Variants in TNNT2 observed in about 807,000 individuals in gnomAD.
The protein encoded by TNNT2 is troponin T, cardiac muscle.
TNNT2 carries 34 observed loss-of-function variants against 62.4 expected under a neutral mutation model. The observed-to-expected ratio is 0.54, with a 90% CI of 0.41 to 0.72. The LOEUF is 0.72. Ranked by LOEUF, TNNT2 falls within the 30% of genes least tolerant of loss-of-function variation. TNNT2 has a pLI of 0.00. For synonymous variants in TNNT2, 123 were observed against 127.2 expected (o/e 0.97, Z 0.22); for missense variants, 275 against 381.9 (o/e 0.72, Z 2.33).
chr1:201,370,150 G>A (rs1392963073), intron 4 of TNNT2, among the ~76,000 whole-genome samples: 2 of 152,262 alleles, frequency 1.3e-5, no homozygotes, highest in African/African-American at 4.8e-5. Flanking sequence ...CACAAGAGGA[G>A]CATGCGATCT....
chr1:201,359,315 C>A (rs373118098), intron 16 of TNNT2, 60 bp from the exon 17 acceptor site: 7 of 1,580,926 alleles, frequency 4.4e-6, no homozygotes, highest in African/African-American at 2.7e-5. Context: ...GGTCACCATG[C>A]GGCTGGGGTA....
Position 201,373,273 on chromosome 1 carries a change from A to G in TNNT2, c.-14-5T>C. ...CAGACATGGTCTCTGCTCTCCCTCC[A>G]AAAGGAGAAAAAAGTCAGTGCAGGT... On this transcript the variant is annotated splice_region_variant and splice_polypyrimidine_tract_variant and intron_variant, in intron 1 of 16. Transcript: ENST00000656932. The G allele has an allele frequency of 1.2e-6, 2 of 1,613,870 alleles. No individual in the cohort carries two copies. Among genetic ancestry groups the G allele is most frequent in the Non-Finnish European group, 1.7e-6 (2 of 1,179,826 alleles).
intron 13 of TNNT2, 123 bp downstream of exon 13, chr1:201,362,263 A>G (rs1658809772): frequency 6.7e-7 from 1 of 1,496,664 alleles, no homozygotes; most frequent in Admixed American, 2.0e-5. Flanking sequence ...ACCTCTCACC[A>G]GCTTCCCCCC....
chr1:201,367,891 G>C, intron 6 of TNNT2, 85 bp from the exon 7 acceptor site: 1 of 1,513,202 alleles, frequency 6.6e-7, no homozygotes. Flanking sequence ...CTTCCCCACA[G>C]ATAAGCCCTA....
chr1:201,363,326 G>A lies in TNNT2; in HGVS notation c.570C>T (p.Asn190=), dbSNP rs764636823. ...DEARKKKALS[N]MMHFGGYIQK... is the part of the protein sequence containing the mutation. ...GGATGTAACCCCCAAAATGCATCAT[G>A]TTGGACAAAGCCTTCTTCTTCCGGG... Residue 190 remains asparagine (N), a synonymous_variant, in exon 12 of 17, where the codon AAC becomes AAT. Transcript: ENST00000656932. 1.2e-6 allele frequency: 2 copies of A among 1,614,178 alleles called. No individual in the cohort carries two copies. Among genetic ancestry groups the A allele is most frequent in the Non-Finnish European group, 1.7e-6 (2 of 1,180,026 alleles).
chr1:201,365,848 T>G, intron 8 of TNNT2, 178 bp from the exon 9 acceptor site: 1 of 1,496,146 alleles, frequency 6.7e-7, no homozygotes, highest in Non-Finnish European at 8.9e-7. Context: ...GCTCAGCACC[T>G]GGGAATACAC....
At chr1:201,364,844 T>C (rs1249363990) in intron 10 of TNNT2, among the ~76,000 whole-genome samples, 1 of 152,104 alleles carries the variant, frequency 6.6e-6, no homozygotes, top group Non-Finnish European at 1.5e-5. Context: ...CTCCCCTTCA[T>C]CTGCGGGGGA....
chr1:201,372,063 G>T lies in TNNT2; in HGVS notation c.53-22C>A, dbSNP rs141800807. 3.2e-4 allele frequency: 521 copies of T among 1,613,898 alleles called. 2 individuals carry two copies. Among genetic ancestry groups the T allele is most frequent in the South Asian group, 2.3e-3 (211 of 91,054 alleles). Reference sequence around the variant, plus strand: ...GCTTCTGCTCAGAAGAGAAGTCCAGGCAGCAAGAGAAGAGAGAAGAGGTGG... The same window carrying T: ...GCTTCTGCTCAGAAGAGAAGTCCAGTCAGCAAGAGAAGAGAGAAGAGGTGG... On this transcript the variant is annotated intron_variant, in intron 3 of 16. Transcript: ENST00000656932.
chr1:201,372,239 C>A (rs1319980077), intron 2 of TNNT2, 84 bp from the exon 3 acceptor site: 1 of 1,591,044 alleles, frequency 6.3e-7, no homozygotes, highest in Non-Finnish European at 8.6e-7. Flanking sequence ...CACACACTGG[C>A]CTTTCCCCAA....
intron 15 of TNNT2, chr1:201,360,362 G>A (rs759891808): frequency 6.5e-6 from 1 of 154,304 alleles, no homozygotes; most frequent in Non-Finnish European, 1.4e-5. Context: ...ATAACAATTA[G>A]TATTATCTCT....
rs377474357 is a variant in TNNT2, at chr1:201,369,816, C to A, written c.97G>T (p.Glu33Ter). ...EEEDWREDED[E>*]QEEAAEEDAE... Reference sequence around the variant, plus strand: ...ACCACAGAAGGAAAGGCTGTACTACCGTCTTCGTCCTCTCTCCAGTCCTCC... The same window carrying A: ...ACCACAGAAGGAAAGGCTGTACTACAGTCTTCGTCCTCTCTCCAGTCCTCC... The change falls in exon 5 of 17, where the codon GAG becomes TAG. Residue 33 changes from glutamate to a stop codon, truncating the protein, a stop_gained and splice_region_variant. Transcript: ENST00000656932. LOFTEE classifies it high-confidence loss of function. 2.0e-5 allele frequency: 33 copies of A among 1,614,064 alleles called. No homozygotes were observed. Among genetic ancestry groups the A allele is most frequent in the Non-Finnish European group, 2.6e-5 (31 of 1,180,038 alleles).
rs1658102717 is a variant in TNNT2 at position 201,359,126 on chromosome 1, C to T, written c.*84G>A. On this transcript the variant is annotated 3_prime_UTR_variant, in exon 17 of 17. Coordinates refer to ENST00000656932, the MANE Select transcript of TNNT2 (RefSeq NM_001276345.2). ...TTCCAAACAGGAGCTGCCTGGGGTG[C>T]CCAGGAGGGCCCGGGAACTGGGGGA... 9 of 1,546,860 alleles carry T rather than the reference C, an allele frequency of 5.8e-6. No homozygotes were observed. The highest frequency in any genetic ancestry group is 4.7e-5 in the South Asian group (4 of 84,810).
At chr1:201,369,303 C>T (rs1303519681) in intron 5 of TNNT2, 1 of 472,480 alleles carries the variant, frequency 2.1e-6, no homozygotes, top group Non-Finnish European at 4.4e-6. Context: ...TCCCCATCAG[C>T]AGGGCGCATC....
chr1:201,366,737 C>A (rs1558235122), intron 8 of TNNT2, 101 bp downstream of exon 8: 1 of 1,608,988 alleles, frequency 6.2e-7, no homozygotes, highest in South Asian at 1.1e-5. Context: ...CCCACCAAAC[C>A]CCCAGCCCGT....
At chr1:201,370,965 C>A (rs576845876) in intron 4 of TNNT2, among the ~76,000 whole-genome samples, 3 of 152,292 alleles carry the variant, frequency 2.0e-5, no homozygotes, top group South Asian at 2.1e-4. Flanking sequence ...TCCTTAAAAA[C>A]CAAAAAAGAC....
At chr1:201,377,052 C>T (rs1342702955) in intron 1 of TNNT2, among the ~76,000 whole-genome samples, 1 of 152,144 alleles carries the variant, frequency 6.6e-6, no homozygotes, top group African/African-American at 2.4e-5. Context: ...TGCAGAGGAC[C>T]CTGCACATCT....
Position 201,373,259 on chromosome 1 carries a change from T to C in TNNT2, c.-5A>G, listed in dbSNP as rs730881093. ...CACCTCTTCTATGTCAGACATGGTC[T>C]CTGCTCTCCCTCCAAAAGGAGAAAA... is the stretch of plus-strand genomic sequence containing the variant. On this transcript the variant is annotated 5_prime_UTR_variant, in exon 2 of 17. Coordinates refer to ENST00000656932, the MANE Select transcript of TNNT2 (RefSeq NM_001276345.2). 37 of 1,614,118 alleles carry C rather than the reference T, an allele frequency of 2.3e-5. No individual in the cohort carries two copies. The highest frequency in any genetic ancestry group is 3.1e-5 in the Non-Finnish European group (36 of 1,179,998).
At chr1:201,375,510 C>G (rs1396368393) in intron 1 of TNNT2, 1 of 152,166 alleles carries the variant, frequency 6.6e-6, no homozygotes. Context: ...GTGCGAGGTG[C>G]TATAATGCGG....
rs1659033998 is a variant in TNNT2, at chr1:201,363,278, C to T, written c.600+18G>A. The T allele has an allele frequency of 1.9e-6, 3 of 1,614,054 alleles. No homozygotes were observed. The highest frequency in any genetic ancestry group is 2.5e-6 in the Non-Finnish European group (3 of 1,179,902). On this transcript the variant is annotated intron_variant, in intron 12 of 16. Coordinates refer to ENST00000656932, the MANE Select transcript of TNNT2 (RefSeq NM_001276345.2). ...CTATACTAGGATCTCCTGGCAACCC[C>T]TGCTGCTCCCTACCTACCTTCTGGA...
Sources: gnomAD v4.1 joint callset for allele counts (sites outside exome capture counted in the v4.1 genomes callset) on GRCh38, gnomAD v4.1.1 for gene constraint, MANE v1.5 for transcripts, NCBI Gene and HGNC (gene_info 2026-07-23, HGNC 2026-07-21) for gene names.